XPR1: variants seen among roughly 807,000 people sequenced by gnomAD.
XPR1 encodes xenotropic and polytropic retrovirus receptor 1, also known as solute carrier family 53 member 1.
In XPR1, 28 loss-of-function variants were observed where a neutral mutation model predicts 87.5. The observed-to-expected ratio is 0.32, with a 90% confidence interval of 0.24 to 0.44. The LOEUF is 0.44. Ranked by LOEUF, XPR1 falls within the 20% of genes least tolerant of loss-of-function variation. XPR1 has a pLI of 1.00. For synonymous variants in XPR1, 300 were observed against 306.1 expected (o/e 0.98, Z 0.21); for missense variants, 559 against 862.3 (o/e 0.65, Z 4.41).
chr1:180,704,277 T>TATATATATATATATATATATA (rs59197475), intron 2 of XPR1, among the ~76,000 whole-genome samples: 17 of 136,156 alleles, frequency 1.2e-4, no homozygotes, highest in Non-Finnish European at 1.6e-4. Context: ...TATATATATA[T>TATATATATATATATATATATA]TATCAGATTA....
intron 10 of XPR1, among the ~76,000 whole-genome samples, chr1:180,836,222 G>C (rs982726708): frequency 1.3e-5 from 2 of 152,070 alleles, no homozygotes; most frequent in Non-Finnish European, 2.9e-5. Flanking sequence ...GCTGGGTGTG[G>C]TGGTATGCAC....
chr1:180,824,949 C>G lies in XPR1; in HGVS notation c.954+6C>G. On this transcript the variant is annotated splice_donor_region_variant and intron_variant, in intron 8 of 14. Transcript: ENST00000367590. ...CTCATCAACATCTCTTTGAGGTAAT[C>G]AAAGCAAGACATAACACCTCATGAA... The G allele has an allele frequency of 1.2e-6, 2 of 1,612,322 alleles. No individual in the cohort carries two copies. Among genetic ancestry groups the G allele is most frequent in the Non-Finnish European group, 1.7e-6 (2 of 1,179,296 alleles).
chr1:180,728,306 G>GT (rs1392788774), intron 2 of XPR1, among the ~76,000 whole-genome samples: 1 of 142,824 alleles, frequency 7.0e-6, no homozygotes, highest in Non-Finnish European at 1.5e-5. Flanking sequence ...CTGGGGGGGG[G>GT]GGTAGTAATG....
chr1:180,852,474 T>A (rs991638016), intron 11 of XPR1, among the ~76,000 whole-genome samples: 1 of 152,182 alleles, frequency 6.6e-6, no homozygotes, highest in African/African-American at 2.4e-5. Flanking sequence ...GTTTTACTTA[T>A]CGGTGGTCAA....
intron 1 of XPR1, among the ~76,000 whole-genome samples, chr1:180,676,786 TATTA>T (rs151205111): frequency 6.6e-5 from 10 of 152,368 alleles, no homozygotes; most frequent in South Asian, 2.1e-4. Context: ...ATTTACAGAA[TATTA>T]ATTCTTAAAC....
Position 180,889,053 on chromosome 1 carries a change from C to G in XPR1, c.*4987C>G, listed in dbSNP as rs1048759835. The G allele has an allele frequency of 6.6e-6, 1 of 152,172 alleles. No individual in the cohort carries two copies. Among genetic ancestry groups the G allele is most frequent in the African/African-American group, 2.4e-5 (1 of 41,434 alleles). The allele number at this position is 152,172 out of a possible 1,614,324, so 9.4% of individuals were successfully genotyped here. A position where few individuals can be genotyped will look rare whatever the true frequency, so the allele number is the denominator to read the frequency against. Reference sequence around the variant, plus strand: ...TATCAAAACTGATACTGAGTTGCCCCTAGAAAACAGCCTTCCAGAATATGT... The same window carrying G: ...TATCAAAACTGATACTGAGTTGCCCGTAGAAAACAGCCTTCCAGAATATGT... On this transcript the variant is annotated 3_prime_UTR_variant, in exon 15 of 15. Coordinates refer to ENST00000367590, the MANE Select transcript of XPR1 (RefSeq NM_004736.4).
intron 11 of XPR1, 83 bp downstream of exon 11, chr1:180,836,799 C>G: frequency 6.8e-7 from 1 of 1,479,774 alleles, no homozygotes; most frequent in Non-Finnish European, 9.2e-7. Flanking sequence ...GGCTACTTTT[C>G]CATTTGTCAT....
intron 2 of XPR1, among the ~76,000 whole-genome samples, chr1:180,775,834 A>G (rs11579564): frequency 3.0e-4 from 46 of 152,274 alleles, no homozygotes; most frequent in Admixed American, 6.5e-4. Flanking sequence ...ATTGTCCTTT[A>G]AGAGAATTCA....
At chr1:180,828,488 T>C (rs897981540) in intron 9 of XPR1, among the ~76,000 whole-genome samples, 8 of 152,190 alleles carry the variant, frequency 5.3e-5, no homozygotes, top group African/African-American at 1.4e-4. Context: ...TAACTCACTA[T>C]ATTAAAAGTA....
intron 1 of XPR1, among the ~76,000 whole-genome samples, chr1:180,636,559 AG>A (rs768887964): frequency 6.6e-5 from 10 of 152,224 alleles, no homozygotes; most frequent in Non-Finnish European, 1.0e-4. Context: ...GTGAAGGCCC[AG>A]ATCATAAGAA....
intron 1 of XPR1, among the ~76,000 whole-genome samples, chr1:180,666,937 A>G (rs1246541083): frequency 2.7e-5 from 4 of 150,382 alleles, no homozygotes; most frequent in Admixed American, 2.0e-4. Context: ...TTTTTCCATG[A>G]CAAGGTCTCA....
chr1:180,759,712 C>T (rs1647921779), intron 2 of XPR1, among the ~76,000 whole-genome samples: 1 of 152,180 alleles, frequency 6.6e-6, no homozygotes, highest in African/African-American at 2.4e-5. Context: ...ACCATTCCTT[C>T]TGAAACTATT....
chr1:180,714,678 T>TATAA (rs1657928584), intron 2 of XPR1, among the ~76,000 whole-genome samples: 2 of 152,182 alleles, frequency 1.3e-5, no homozygotes, highest in African/African-American at 2.4e-5. Context: ...GTGCTCAGAT[T>TATAA]ACAGGTGCGA....
chr1:180,873,128 G>A (rs999260117), intron 12 of XPR1, among the ~76,000 whole-genome samples: 3 of 152,028 alleles, frequency 2.0e-5, no homozygotes, highest in African/African-American at 7.2e-5. Context: ...GATTAATAAT[G>A]AGCAAATCTA....
chr1:180,721,331 T>C (rs1239204833), intron 2 of XPR1, among the ~76,000 whole-genome samples: 1 of 152,340 alleles, frequency 6.6e-6, no homozygotes, highest in South Asian at 2.1e-4. Flanking sequence ...ATTTTTTCTT[T>C]TTGGTGCCAT....
intron 1 of XPR1, among the ~76,000 whole-genome samples, chr1:180,639,719 T>C (rs1292911720): frequency 6.6e-6 from 1 of 152,196 alleles, no homozygotes; most frequent in East Asian, 1.9e-4. Flanking sequence ...ACTTTTTGGT[T>C]TCAGGACCAC....
intron 9 of XPR1, among the ~76,000 whole-genome samples, chr1:180,832,959 G>A (rs893993866): frequency 2.0e-5 from 3 of 152,128 alleles, no homozygotes; most frequent in African/African-American, 4.8e-5. Context: ...GGGCAGTATG[G>A]CATTTTCACA....
At chr1:180,634,173 G>A (rs1654688839) in intron 1 of XPR1, among the ~76,000 whole-genome samples, 1 of 152,182 alleles carries the variant, frequency 6.6e-6, no homozygotes, top group Admixed American at 6.5e-5. Flanking sequence ...CTGTAGGTTG[G>A]TCACAGAGGG....
At chr1:180,850,621 C>T (rs1427230712) in intron 11 of XPR1, among the ~76,000 whole-genome samples, 1 of 151,968 alleles carries the variant, frequency 6.6e-6, no homozygotes, top group Non-Finnish European at 1.5e-5. Flanking sequence ...TATGTACTAC[C>T]TGAAGCTTTC....
Sources: allele counts gnomAD v4.1 joint callset (sites outside exome capture counted in the v4.1 genomes callset), GRCh38; gene constraint gnomAD v4.1.1; transcripts MANE v1.5; gene names NCBI Gene and HGNC (gene_info 2026-07-23, HGNC 2026-07-21).